The following RBM33 variants were observed in gnomAD, a reference collection of about 807,000 sequenced individuals.
The protein encoded by RBM33 is RNA binding motif protein 33, also known as RNA-binding protein 33.
RBM33 carries 28 observed loss-of-function variants against 132.6 expected under a neutral mutation model. That is an observed-to-expected ratio of 0.21 (90% CI 0.16 to 0.29). The LOEUF (loss-of-function observed/expected upper bound fraction) is 0.29. RBM33 is among the 10% of genes least tolerant of loss of function. RBM33 has a pLI of 1.00. For missense variants in RBM33, 1,291 were observed against 1,518.5 expected (o/e 0.85, Z 2.49); for synonymous variants, 634 against 593.0 (o/e 1.07, Z -1.01).
chr7:155,658,575 A>G (rs1035795061), intron 1 of RBM33, among the ~76,000 whole-genome samples: 3 of 151,778 alleles, frequency 2.0e-5, no homozygotes, highest in Admixed American at 6.6e-5. Flanking sequence ...TAGTTTTTGT[A>G]TTTTTAGTAG....
In RBM33 at chr7:155,739,746, ATCAGCC is replaced by A. The variant is rs769672471; in HGVS notation, c.1781_1786del (p.Pro594_Gln595del). 5 of 1,546,284 alleles carry A rather than the reference ATCAGCC, an allele frequency of 3.2e-6. No homozygotes were observed. Among genetic ancestry groups the A allele is most frequent in the African/African-American group, 2.8e-5 (2 of 72,336 alleles). ...TTGCATCCTCCATTGCCCCCTCCGC[ATCAGCC>A]TCAGCCTCAGCAACCTCAGCAACAG... On this transcript the variant is annotated inframe_deletion, in exon 12 of 18. Coordinates refer to ENST00000401878, the MANE Select transcript of RBM33 (RefSeq NM_053043.3).
At position 155,644,930 on chromosome 7, in the gene RBM33, C is replaced by T. The variant is rs1194323617; in HGVS notation, c.43+11C>T. ...GAGCAGGCGCCGGAGGTACGTGAGG[C>T]AGCCGGACTCTGGGGGCCAGGACCG... On this transcript the variant is annotated intron_variant, in intron 1 of 17. Coordinates refer to ENST00000401878, the MANE Select transcript of RBM33 (RefSeq NM_053043.3). 4 of 1,494,042 alleles carry T rather than the reference C, an allele frequency of 2.7e-6. No individual in the cohort carries two copies. Among genetic ancestry groups the T allele is most frequent in the South Asian group, 1.2e-5 (1 of 80,124 alleles). The allele number at this position is 1,494,042 out of a possible 1,614,324, so 92.5% of individuals were successfully genotyped here.
chr7:155,759,313 G>A (rs9654729), intron 14 of RBM33, among the ~76,000 whole-genome samples: 37,935 of 151,616 alleles, frequency 0.25, 5,146 homozygotes, highest in African/African-American at 0.35. Context: ...CTTATCTGAC[G>A]TTAATGTCAC....
At chr7:155,732,040 A>C (rs1005041918) in intron 9 of RBM33, among the ~76,000 whole-genome samples, 3 of 152,204 alleles carry the variant, frequency 2.0e-5, no homozygotes, top group African/African-American at 7.2e-5. Flanking sequence ...CAGCTACAGA[A>C]GCAGCCCTTC....
chr7:155,687,659 T>C (rs1310906152), intron 5 of RBM33, among the ~76,000 whole-genome samples: 1 of 152,198 alleles, frequency 6.6e-6, no homozygotes, highest in African/African-American at 2.4e-5. Context: ...TCGTATAAGG[T>C]GTAAGGAAGG....
chr7:155,673,745 CGT>C (rs767861208), intron 3 of RBM33, among the ~76,000 whole-genome samples: 68 of 132,502 alleles, frequency 5.1e-4, no homozygotes, highest in Middle Eastern at 3.9e-3. Context: ...TACATACACA[CGT>C]GTATATACGC....
chr7:155,692,065 G>T (rs1449437549), intron 5 of RBM33, among the ~76,000 whole-genome samples: 2 of 148,546 alleles, frequency 1.3e-5, no homozygotes, highest in Admixed American at 6.7e-5. Flanking sequence ...AAAAAAAAAA[G>T]AAAATTTTTT....
intron 1 of RBM33, among the ~76,000 whole-genome samples, chr7:155,661,993 C>T (rs2116885831): frequency 6.6e-6 from 1 of 152,210 alleles, no homozygotes; most frequent in East Asian, 1.9e-4. Context: ...GTGCTGGTCT[C>T]CCTGTTCTCC....
intron 13 of RBM33, 94 bp from the exon 14 acceptor site, chr7:155,744,867 G>A (rs2117036623): frequency 1.7e-6 from 2 of 1,208,590 alleles, no homozygotes; most frequent in East Asian, 2.5e-5. Flanking sequence ...TGAATTAAAG[G>A]ACTTGTGGTA....
At chr7:155,721,553 C>T (rs78689724) in intron 9 of RBM33, among the ~76,000 whole-genome samples, 2,421 of 151,954 alleles carry the variant, frequency 0.016, 65 homozygotes, top group African/African-American at 0.054. Context: ...GCAGACAATA[C>T]GCAAAAGTAC....
chr7:155,645,073 T>C, intron 1 of RBM33, 154 bp downstream of exon 1: 1 of 536,000 alleles, frequency 1.9e-6, no homozygotes, highest in African/African-American at 2.0e-5. Context: ...TCGCCTTCCC[T>C]CGCTATTGTC....
rs1802775609 is a variant in RBM33 at position 155,780,380 on chromosome 7, C to T, written c.*5339C>T. 1 of 152,188 alleles carries T rather than the reference C, an allele frequency of 6.6e-6. No individual in the cohort carries two copies. The highest frequency in any genetic ancestry group is 1.5e-5 in the Non-Finnish European group (1 of 68,044). The allele number at this position is 152,188 out of a possible 1,614,324, so 9.4% of individuals were successfully genotyped here. On this transcript the variant is annotated 3_prime_UTR_variant, in exon 18 of 18. Transcript: ENST00000401878. ...GACTTGAACTCTGGGGCTTTAATTC[C>T]ACTGTTTAATTTTCAGGTACCACAG...
At chr7:155,718,853 G>C (rs1479253972) in intron 9 of RBM33, among the ~76,000 whole-genome samples, 1 of 151,998 alleles carries the variant, frequency 6.6e-6, no homozygotes, top group Non-Finnish European at 1.5e-5. Flanking sequence ...GAGATCTCTT[G>C]TATTTTAAAA....
chr7:155,688,318 A>AG, intron 5 of RBM33, among the ~76,000 whole-genome samples: 1 of 152,304 alleles, frequency 6.6e-6, no homozygotes, highest in Middle Eastern at 3.4e-3. Context: ...ATTTTTGCAC[A>AG]TTGATTTTGT....
intron 11 of RBM33, chr7:155,738,970 A>G: frequency 6.5e-6 from 1 of 154,602 alleles, no homozygotes; most frequent in Non-Finnish European, 1.4e-5. Context: ...CCAAGTGTAT[A>G]TTTCTTCTTG....
rs553884459 is a variant in RBM33 at position 155,680,623 on chromosome 7, A to G, written c.282A>G (p.Thr94=). 6.2e-7 allele frequency: 1 copy of G among 1,605,176 alleles called. No homozygotes were observed. The highest frequency in any genetic ancestry group is 1.1e-5 in the South Asian group (1 of 89,942). The part of the protein sequence containing the change: ...SQGVTISLNA[T]SGMVTSFELS... Reference sequence around the variant, plus strand: ...GTGTTACAATTAGTCTGAATGCTACATCTGGCATGGTTACATCATTTGAAC... The same window carrying G: ...GTGTTACAATTAGTCTGAATGCTACGTCTGGCATGGTTACATCATTTGAAC... The change falls in exon 5 of 18, where the codon ACA becomes ACG. Residue 94 remains threonine (T), a synonymous_variant. Coordinates refer to ENST00000401878, the MANE Select transcript of RBM33 (RefSeq NM_053043.3).
At chr7:155,661,015 C>G (rs1798623409) in intron 1 of RBM33, among the ~76,000 whole-genome samples, 1 of 151,368 alleles carries the variant, frequency 6.6e-6, no homozygotes, top group South Asian at 2.1e-4. Context: ...ACTACTGAGC[C>G]CCTCTAATGA....
At chr7:155,675,594 T>C (rs572623570) in intron 3 of RBM33, among the ~76,000 whole-genome samples, 24 of 152,182 alleles carry the variant, frequency 1.6e-4, no homozygotes, top group Non-Finnish European at 2.8e-4. Context: ...TCGTCCAGCC[T>C]CAGCAATTTT....
intron 5 of RBM33, among the ~76,000 whole-genome samples, chr7:155,689,642 A>G (rs188778701): frequency 0.031 from 4,736 of 152,244 alleles, 240 homozygotes; most frequent in African/African-American, 0.11. Context: ...ACACTGCTTT[A>G]AATGTGTCCC....
Sources: gnomAD v4.1 joint callset for allele counts (sites outside exome capture counted in the v4.1 genomes callset) on GRCh38, gnomAD v4.1.1 for gene constraint, MANE v1.5 for transcripts, NCBI Gene and HGNC (gene_info 2026-07-23, HGNC 2026-07-21) for gene names.